Variants in DNAH6 observed in about 807,000 individuals in gnomAD.
The protein encoded by DNAH6 is axonemal beta dynein heavy chain 6.
In DNAH6, 340 loss-of-function variants were observed where a neutral mutation model predicts 491.4. The ratio of observed to expected loss-of-function variants is 0.69; its 90% CI spans 0.63 to 0.76. The LOEUF (loss-of-function observed/expected upper bound fraction) is 0.76. Ranked by LOEUF, DNAH6 falls within the 30% of genes least tolerant of loss-of-function variation. DNAH6 has a pLI of 0.00. For synonymous variants in DNAH6, 1,603 were observed against 1,686.1 expected (o/e 0.95, Z 1.21); for missense variants, 4,443 against 4,972.2 (o/e 0.89, Z 3.20).
intron 40 of DNAH6, among the ~76,000 whole-genome samples, chr2:84,674,829 C>A (rs1693077422): frequency 6.6e-6 from 1 of 152,148 alleles, no homozygotes; most frequent in South Asian, 2.1e-4. Flanking sequence ...TCCTCTCTGC[C>A]AAACAAATCA....
intron 29 of DNAH6, among the ~76,000 whole-genome samples, chr2:84,632,899 G>T (rs1688533208): frequency 6.6e-6 from 1 of 152,016 alleles, no homozygotes; most frequent in African/African-American, 2.4e-5. Context: ...CTCCAAAGTT[G>T]CCCGTTAGTT....
intron 13 of DNAH6, among the ~76,000 whole-genome samples, chr2:84,578,781 C>A (rs1310170966): frequency 6.6e-6 from 1 of 152,134 alleles, no homozygotes; most frequent in Non-Finnish European, 1.5e-5. Context: ...GAATTGTAAT[C>A]CCCAGGTGTA....
chr2:84,797,553 C>T lies in DNAH6; in HGVS notation c.11376C>T (p.Pro3792=), dbSNP rs2105289129. The T allele has an allele frequency of 6.4e-7, 1 of 1,551,750 alleles. No individual in the cohort carries two copies. The highest frequency in any genetic ancestry group is 8.7e-7 in the Non-Finnish European group (1 of 1,146,922). ...KYSESGIYFA[P]MADSLQEFKD... ...TAATAACAGGCATCTATTTTGCACC[C>T]ATGGCTGACAGCCTACAAGAGTTTA... Residue 3792 remains proline (P), a synonymous_variant, in exon 70 of 77, where the codon CCC becomes CCT. Coordinates refer to ENST00000389394, the MANE Select transcript of DNAH6 (RefSeq NM_001370.2).
Position 84,654,738 on chromosome 2 carries a change from T to C in DNAH6, c.5713T>C (p.Trp1905Arg). Residue 1905 changes from tryptophan (W) to arginine (R), a missense_variant, in exon 35 of 77, where the codon TGG becomes CGG. Physicochemically the swap from Trp to Arg is moderately radical, Grantham distance 101 (BLOSUM62 -3). This residue lies in a region of DNAH6 where 2,977 missense variants were observed against 3,296.6 expected (regional missense o/e 0.90). Transcript: ENST00000389394. The stretch of plus-strand genomic sequence containing the variant: ...GTTTGTGGATCCTGAAGAACTGAAA[T>C]GGATGCCTTATGTTAAAACTTGGAT... Reference protein sequence around the residue: ...MVFVDPEELKWMPYVKTWMKG... With the variant: ...MVFVDPEELKRMPYVKTWMKG... 1 of 1,551,268 alleles carries C rather than the reference T, an allele frequency of 6.4e-7. No homozygotes were observed. The highest frequency in any genetic ancestry group is 8.7e-7 in the Non-Finnish European group (1 of 1,146,426).
At chr2:84,545,912 A>G (rs1678737093) in intron 5 of DNAH6, among the ~76,000 whole-genome samples, 1 of 152,160 alleles carries the variant, frequency 6.6e-6, no homozygotes, top group Admixed American at 6.6e-5. Context: ...CAGTTTTGAT[A>G]TATAATTTAC....
intron 14 of DNAH6, among the ~76,000 whole-genome samples, chr2:84,580,902 C>A (rs899011653): frequency 3.3e-5 from 5 of 152,080 alleles, no homozygotes; most frequent in African/African-American, 1.2e-4. Flanking sequence ...CTGTAGGACG[C>A]CCCAGTAGTC....
intron 64 of DNAH6, among the ~76,000 whole-genome samples, chr2:84,769,218 C>T (rs1188128271): frequency 6.6e-6 from 1 of 152,146 alleles, no homozygotes; most frequent in East Asian, 1.9e-4. Context: ...GCAGCCAGAG[C>T]GGGCAACCAA....
intron 61 of DNAH6, 147 bp from the exon 62 acceptor site, chr2:84,733,297 A>G (rs1247279108): frequency 1.5e-6 from 1 of 651,282 alleles, no homozygotes; most frequent in Non-Finnish European, 2.6e-6. Context: ...ATTCAACACC[A>G]TTTCTATTTC....
chr2:84,582,677 C>T (rs561744472), intron 14 of DNAH6, among the ~76,000 whole-genome samples: 58 of 152,232 alleles, frequency 3.8e-4, no homozygotes, highest in African/African-American at 1.3e-3. Context: ...TGGTCTTGAT[C>T]TCCTGACCTC....
chr2:84,818,361 G>A (rs1263566646), intron 76 of DNAH6, among the ~76,000 whole-genome samples: 5 of 151,604 alleles, frequency 3.3e-5, no homozygotes, highest in Admixed American at 2.0e-4. Flanking sequence ...TGGTGCACAC[G>A]CCTGTAGTCC....
chr2:84,504,118 C>T, the DNAH6 span, among the ~76,000 whole-genome samples: 59 of 151,836 alleles, frequency 3.9e-4, no homozygotes, highest in Non-Finnish European at 6.3e-4. Flanking sequence ...CTCCTCTGAC[C>T]GTGTATTTTC....
intron 39 of DNAH6, 148 bp from the exon 40 acceptor site, chr2:84,672,179 G>T: frequency 1.4e-6 from 1 of 728,922 alleles, no homozygotes. Context: ...GGGCCAGAAG[G>T]AAGTCTCTCC....
chr2:84,472,402 T>C, the DNAH6 span, among the ~76,000 whole-genome samples: 1 of 152,098 alleles, frequency 6.6e-6, no homozygotes, highest in East Asian at 1.9e-4. Context: ...AAAAGCAAGA[T>C]AAAAGATGTC....
intron 38 of DNAH6, 110 bp downstream of exon 38, chr2:84,669,620 G>C: frequency 1.1e-6 from 1 of 940,374 alleles, no homozygotes; most frequent in Non-Finnish European, 1.6e-6. Flanking sequence ...TTTGTTTAGC[G>C]TTTAGCACTT....
the DNAH6 span, among the ~76,000 whole-genome samples, chr2:84,498,919 T>C: frequency 6.6e-6 from 1 of 152,170 alleles, no homozygotes; most frequent in Non-Finnish European, 1.5e-5. Context: ...ATTTTTTTAA[T>C]GTTGTGGGTG....
chr2:84,709,630 A>G lies in DNAH6; in HGVS notation c.9252+84A>G, dbSNP rs77677954. On this transcript the variant is annotated intron_variant, in intron 55 of 76. Coordinates refer to ENST00000389394, the MANE Select transcript of DNAH6 (RefSeq NM_001370.2). ...TTAAAAATTATAAAAGTGGGCCTCA[A>G]TGTACTTGGAGATTTAGATTTAACA... 1.1e-3 allele frequency: 1,563 copies of G among 1,408,962 alleles called. 8 individuals are homozygous for G. The highest frequency in any genetic ancestry group is 9.5e-3 in the African/African-American group (663 of 69,950). The allele number at this position is 1,408,962 out of a possible 1,614,324, so 87.3% of individuals were successfully genotyped here. A position where few individuals can be genotyped will look rare whatever the true frequency, so the allele number is the denominator to read the frequency against.
intron 19 of DNAH6, among the ~76,000 whole-genome samples, chr2:84,605,024 G>A (rs2104289271): frequency 6.6e-6 from 1 of 152,176 alleles, no homozygotes; most frequent in South Asian, 2.1e-4. Context: ...GCAAATTAGT[G>A]TCATCTATCC....
intron 10 of DNAH6, 108 bp downstream of exon 10, chr2:84,553,142 T>C (rs1679569372): frequency 1.6e-6 from 1 of 636,480 alleles, no homozygotes; most frequent in African/African-American, 1.8e-5. Flanking sequence ...CACTCCAAGA[T>C]GATCATGAGA....
chr2:84,709,642 AT>A, intron 55 of DNAH6, 96 bp downstream of exon 55: 3 of 1,319,524 alleles, frequency 2.3e-6, no homozygotes, highest in Non-Finnish European at 2.1e-6. Context: ...GTACTTGGAG[AT>A]TTAGATTTAA....
Sources: gnomAD v4.1 joint callset for allele counts (sites outside exome capture counted in the v4.1 genomes callset) on GRCh38, gnomAD v4.1.1 for gene constraint, gnomAD v4.1.1 regional missense constraint, MANE v1.5 for transcripts, NCBI Gene and HGNC (gene_info 2026-07-23, HGNC 2026-07-21) for gene names.